The following TSPAN4 variants were observed in gnomAD, a reference collection of about 807,000 sequenced individuals.
The protein encoded by TSPAN4 is tetraspanin-4.
TSPAN4 carries 38 observed loss-of-function variants against 31.5 expected under a neutral mutation model. The ratio of observed to expected loss-of-function variants is 1.21; its 90% CI spans 0.93 to 1.58. The LOEUF is 1.58. TSPAN4 is among the 40% of genes most tolerant of loss of function. TSPAN4 has a pLI of 0.00. For synonymous variants in TSPAN4, 186 were observed against 144.6 expected, an observed-to-expected ratio of 1.29 and a Z score of -2.06; for missense variants, 330 against 317.3, an observed-to-expected ratio of 1.04 and a Z score of -0.30.
intron 5 of TSPAN4, 22 bp from the exon 6 acceptor site, chr11:865,491 C>T (rs551883891): frequency 1.9e-6 from 3 of 1,599,578 alleles, no homozygotes; most frequent in East Asian, 2.2e-5. Context: ...AGGGGCCCTG[C>T]TGACCCCCCC....
At chr11:851,407 G>A (rs1847713691) in intron 3 of TSPAN4, among the ~76,000 whole-genome samples, 2 of 152,220 alleles carry the variant, frequency 1.3e-5, no homozygotes. Context: ...GAAGGAGGCT[G>A]TCCATCTGCA....
intron 3 of TSPAN4, among the ~76,000 whole-genome samples, chr11:854,818 G>A (rs1401258541): frequency 6.6e-6 from 1 of 152,228 alleles, no homozygotes; most frequent in Non-Finnish European, 1.5e-5. Flanking sequence ...GGCCTGCCTG[G>A]CGCTGGCCTC....
intron 2 of TSPAN4, among the ~76,000 whole-genome samples, chr11:849,479 G>A (rs1439743399): frequency 1.3e-5 from 2 of 152,156 alleles, no homozygotes; most frequent in African/African-American, 2.4e-5. Flanking sequence ...AGCCCGGCCC[G>A]GGGCCAGAGT....
chr11:862,869 G>A, intron 4 of TSPAN4, 128 bp downstream of exon 4: 1 of 1,067,356 alleles, frequency 9.4e-7, no homozygotes, highest in Non-Finnish European at 1.3e-6. Flanking sequence ...GGACCTCCAG[G>A]CTGGCAGTGT....
In TSPAN4 at chr11:848,688, C is replaced by T. The variant is rs1054520277; in HGVS notation, c.-18+1388C>T. The T allele has an allele frequency of 5.9e-6, 3 of 506,660 alleles. No individual in the cohort carries two copies. The highest frequency in any genetic ancestry group is 3.9e-5 in the African/African-American group (2 of 50,920). 31.4% of individuals were successfully genotyped at this position (506,660 alleles called of 1,614,324 possible). A position where few individuals can be genotyped will look rare whatever the true frequency, so the allele number is the denominator to read the frequency against. On this transcript the variant is annotated intron_variant, in intron 2 of 8. Transcript: ENST00000397397. The surrounding 1 kb of genome is among the most constrained non-coding windows in gnomAD (Gnocchi z 5.7). ...CCCTTAGCTTCCTCTCCCTCCTCTTCCTCCTGCCCTTCCTCATTCCCCACC... is the reference window on the plus strand; with the variant it reads ...CCCTTAGCTTCCTCTCCCTCCTCTTTCTCCTGCCCTTCCTCATTCCCCACC...
At position 848,866 on chromosome 11, in the gene TSPAN4, T is replaced by C. The variant is rs1245531770; in HGVS notation, c.-17-1422T>C. ...GGGGGCCTCTGTCCCCATCTCCGGC[T>C]GTGGGAGGTGTGTGCGCATCCGGCG... On this transcript the variant is annotated intron_variant, in intron 2 of 8. Transcript: ENST00000397397. This position sits in a 1 kb window ranked among gnomAD's most constrained non-coding sequence, Gnocchi z 5.7. The C allele has an allele frequency of 2.9e-6, 2 of 699,330 alleles. No homozygotes were observed. The highest frequency in any genetic ancestry group is 5.3e-6 in the Non-Finnish European group (2 of 376,394). 43.3% of individuals were successfully genotyped at this position (699,330 alleles called of 1,614,324 possible).
intron 3 of TSPAN4, among the ~76,000 whole-genome samples, chr11:855,823 G>GCC (rs1400162451): frequency 6.6e-6 from 1 of 152,236 alleles, no homozygotes; most frequent in African/African-American, 2.4e-5. Flanking sequence ...TGTGCTGGCT[G>GCC]CTAGCATCCC....
chr11:863,213 G>A (rs187923808), intron 4 of TSPAN4: 86 of 156,544 alleles, frequency 5.5e-4, no homozygotes, highest in Non-Finnish European at 8.7e-4. Context: ...CCTCGGGGAT[G>A]GACTTACAGG....
At chr11:865,316 C>T in intron 5 of TSPAN4, 197 bp from the exon 6 acceptor site, 1 of 590,216 alleles carries the variant, frequency 1.7e-6, no homozygotes. Flanking sequence ...GGGAGGAAGC[C>T]CAGAGGTGGG....
At chr11:866,113 C>T (rs1209710313) in intron 8 of TSPAN4, 112 bp downstream of exon 8, 19 of 1,211,324 alleles carry the variant, frequency 1.6e-5, no homozygotes, top group African/African-American at 4.5e-5. Flanking sequence ...CGGGGGAGGC[C>T]GGGGCAAAAG....
chr11:865,430 A>T, intron 5 of TSPAN4, 83 bp from the exon 6 acceptor site: 1 of 1,146,840 alleles, frequency 8.7e-7, no homozygotes, highest in Non-Finnish European at 1.3e-6. Context: ...GGAGGGGCCC[A>T]GCTTAGGGGC....
At chr11:856,573 G>A (rs1177002333) in intron 3 of TSPAN4, among the ~76,000 whole-genome samples, 4 of 152,238 alleles carry the variant, frequency 2.6e-5, no homozygotes, top group Middle Eastern at 3.2e-3. Flanking sequence ...GCAGCAGTGA[G>A]GGAGGGAGGC....
chr11:862,902 T>C, intron 4 of TSPAN4, 161 bp downstream of exon 4: 3 of 748,432 alleles, frequency 4.0e-6, no homozygotes, highest in Non-Finnish European at 6.3e-6. Flanking sequence ...TGGCCACTGT[T>C]GGGTCTTCCA....
intron 3 of TSPAN4, among the ~76,000 whole-genome samples, chr11:853,860 G>A (rs778019886): frequency 4.6e-5 from 7 of 152,216 alleles, no homozygotes; most frequent in African/African-American, 1.4e-4. Flanking sequence ...TGGTGGGGCC[G>A]GGGTGTCTCC....
At chr11:850,765 C>CGCCCGCTCCCTCCTCGGT (rs1373846686) in intron 3 of TSPAN4, among the ~76,000 whole-genome samples, 1 of 152,212 alleles carries the variant, frequency 6.6e-6, no homozygotes, top group Non-Finnish European at 1.5e-5. Flanking sequence ...GCCTCCTCTG[C>CGCCCGCTCCCTCCTCGGT]GCCCGCTCCC....
chr11:850,136 A>G (rs1847581935), intron 2 of TSPAN4, 152 bp from the exon 3 acceptor site: 1 of 583,204 alleles, frequency 1.7e-6, no homozygotes, highest in South Asian at 2.1e-5. Flanking sequence ...ACAGCAGCCT[A>G]TACGGGCGCG....
intron 3 of TSPAN4, among the ~76,000 whole-genome samples, chr11:852,650 G>C (rs910308508): frequency 6.6e-6 from 1 of 152,222 alleles, no homozygotes; most frequent in Non-Finnish European, 1.5e-5. Context: ...TCCTCCTGGC[G>C]TGAGGCTATT....
chr11:866,058 C>T (rs1848788027), intron 8 of TSPAN4, 57 bp downstream of exon 8: 3 of 1,576,140 alleles, frequency 1.9e-6, no homozygotes, highest in Middle Eastern at 2.2e-4. Context: ...CCTTCTGAGC[C>T]CAGGGAACAA....
chr11:864,170 G>T, intron 4 of TSPAN4: 1 of 557,634 alleles, frequency 1.8e-6, no homozygotes, highest in East Asian at 2.9e-5. Context: ...GGTTGCCCCA[G>T]GGATGGGGGC....
Sources: allele counts gnomAD v4.1 joint callset (sites outside exome capture counted in the v4.1 genomes callset), GRCh38; gene constraint gnomAD v4.1.1; non-coding constraint Gnocchi (gnomAD v3.1); transcripts MANE v1.5; gene names NCBI Gene and HGNC (gene_info 2026-07-23, HGNC 2026-07-21).